KCTD4: variants seen among roughly 807,000 people sequenced by gnomAD.
KCTD4 encodes BTB/POZ domain-containing protein KCTD4.
A neutral mutation model predicts 18.3 loss-of-function variants in KCTD4; 12 were observed. That is an observed-to-expected ratio of 0.66 (90% CI 0.42 to 1.06). The LOEUF is 1.06. KCTD4 is among the 50% of genes least tolerant of loss of function. The pLI is 0.00. For missense variants in KCTD4, 250 were observed against 303.4 expected (o/e 0.82, Z 1.31); for synonymous variants, 124 against 110.5 (o/e 1.12, Z -0.76).
intron 1 of KCTD4, among the ~76,000 whole-genome samples, chr13:45,197,525 A>AG (rs1851195685): frequency 6.6e-6 from 1 of 150,842 alleles, no homozygotes; most frequent in South Asian, 2.1e-4. Flanking sequence ...AAAAAAAAAA[A>AG]AGGCACCCAG....
chr13:45,193,050 G>A lies in KCTD4; in HGVS notation c.*738C>T, dbSNP rs1233471243. Reference sequence around the variant, plus strand: ...GCAAAATCATCAAGTGGTACTGTTTGCTTTTAAAGTGACCTGTAACTTTTT... The same window carrying A: ...GCAAAATCATCAAGTGGTACTGTTTACTTTTAAAGTGACCTGTAACTTTTT... On this transcript the variant is annotated 3_prime_UTR_variant, in exon 2 of 2. Coordinates refer to ENST00000379108, the MANE Select transcript of KCTD4 (RefSeq NM_198404.3). The A allele has an allele frequency of 6.6e-6, 1 of 152,160 alleles. No individual in the cohort carries two copies. Among genetic ancestry groups the A allele is most frequent in the African/African-American group, 2.4e-5 (1 of 41,438 alleles). The allele number at this position is 152,160 out of a possible 1,614,324, so 9.4% of individuals were successfully genotyped here.
chr13:45,193,378 G>A lies in KCTD4; in HGVS notation c.*410C>T, dbSNP rs1872730478. ...AGTTTCTCTGTAGATTTTTGCCATA[G>A]TAGAAAAGGATTTTAAATATTAATA... On this transcript the variant is annotated 3_prime_UTR_variant, in exon 2 of 2. Coordinates refer to ENST00000379108, the MANE Select transcript of KCTD4 (RefSeq NM_198404.3). The A allele has an allele frequency of 6.4e-6, 1 of 156,644 alleles. No homozygotes were observed. Among genetic ancestry groups the A allele is most frequent in the South Asian group, 2.0e-4 (1 of 5,038 alleles). The allele number at this position is 156,644 out of a possible 1,614,324, so 9.7% of individuals were successfully genotyped here.
intron 1 of KCTD4, among the ~76,000 whole-genome samples, chr13:45,195,062 A>T (rs1439918939): frequency 6.6e-6 from 1 of 152,196 alleles, no homozygotes; most frequent in Non-Finnish European, 1.5e-5. Flanking sequence ...AGGAAACATA[A>T]GGTGAAAATT....
chr13:45,195,271 TTTTA>T (rs1297578188), intron 1 of KCTD4, among the ~76,000 whole-genome samples: 1 of 152,092 alleles, frequency 6.6e-6, no homozygotes, highest in Non-Finnish European at 1.5e-5. Flanking sequence ...TTTTTTATTA[TTTTA>T]TTTACCCTAA....
At chr13:45,198,191 A>G (rs1252852671) in intron 1 of KCTD4, among the ~76,000 whole-genome samples, 1 of 152,248 alleles carries the variant, frequency 6.6e-6, no homozygotes, top group African/African-American at 2.4e-5. Context: ...GGTAATACTA[A>G]TGTCCTACCA....
Position 45,194,250 on chromosome 13 carries a change from T to A in KCTD4, c.318A>T (p.Glu106Asp). 1 of 1,614,150 alleles carries A rather than the reference T, an allele frequency of 6.2e-7. No individual in the cohort carries two copies. The highest frequency in any genetic ancestry group is 1.7e-5 in the Admixed American group (1 of 60,006). Reference sequence around the variant, plus strand: ...CTGCTTCTTGTGCAAGAAGTTGATTTTCTCGAAACCCTTCGGGCAATAGAA... The same window carrying A: ...CTGCTTCTTGTGCAAGAAGTTGATTATCTCGAAACCCTTCGGGCAATAGAA... ...GELLLPEGFR[E>D]NQLLAQEAEF... The change falls in exon 2 of 2, where the codon GAA becomes GAT. Residue 106 changes from glutamate (E) to aspartate (D), a missense_variant. Glu to Asp is a conservative substitution (Grantham distance 45). Coordinates refer to ENST00000379108, the MANE Select transcript of KCTD4 (RefSeq NM_198404.3).
chr13:45,198,450 A>G (rs1187990963), intron 1 of KCTD4, among the ~76,000 whole-genome samples: 2 of 152,220 alleles, frequency 1.3e-5, no homozygotes, highest in African/African-American at 2.4e-5. Context: ...TCATTCCTCT[A>G]TAAAATTCAG....
chr13:45,199,408 A>C (rs919814192), intron 1 of KCTD4, among the ~76,000 whole-genome samples: 3 of 152,268 alleles, frequency 2.0e-5, no homozygotes, highest in African/African-American at 7.2e-5. Flanking sequence ...ACAATTTATA[A>C]GTCATATTAA....
rs1872730812 is a variant in KCTD4, at chr13:45,193,389, T to C, written c.*399A>G. On this transcript the variant is annotated 3_prime_UTR_variant, in exon 2 of 2. Transcript: ENST00000379108. ...AGATTTTTGCCATAGTAGAAAAGGATTTTAAATATTAATAGCCCCTTAAAA... is the reference window on the plus strand; with the variant it reads ...AGATTTTTGCCATAGTAGAAAAGGACTTTAAATATTAATAGCCCCTTAAAA... 1 of 158,442 alleles carries C rather than the reference T, an allele frequency of 6.3e-6. No homozygotes were observed. Among genetic ancestry groups the C allele is most frequent in the South Asian group, 2.0e-4 (1 of 5,092 alleles). 9.8% of individuals were successfully genotyped at this position (158,442 alleles called of 1,614,324 possible).
At chr13:45,196,463 A>G (rs1872895458) in intron 1 of KCTD4, among the ~76,000 whole-genome samples, 1 of 152,238 alleles carries the variant, frequency 6.6e-6, no homozygotes, top group South Asian at 2.1e-4. Context: ...GAAATACTGA[A>G]TAGATTTTGA....
At chr13:45,195,748 C>T (rs1011174952) in intron 1 of KCTD4, among the ~76,000 whole-genome samples, 1 of 152,126 alleles carries the variant, frequency 6.6e-6, no homozygotes, top group Non-Finnish European at 1.5e-5. Flanking sequence ...AAACATTGTC[C>T]CCAGTACACT....
intron 1 of KCTD4, among the ~76,000 whole-genome samples, chr13:45,198,920 A>G (rs1165055327): frequency 6.6e-6 from 1 of 152,200 alleles, no homozygotes; most frequent in African/African-American, 2.4e-5. Flanking sequence ...ACATGTTTTA[A>G]GAATCAAGGA....
chr13:45,197,854 C>T (rs1872977828), intron 1 of KCTD4, among the ~76,000 whole-genome samples: 2 of 152,224 alleles, frequency 1.3e-5, no homozygotes, highest in Admixed American at 6.5e-5. Flanking sequence ...CTTGCAGATA[C>T]AAACCGGAAC....
chr13:45,199,541 G>A (rs1873073124), intron 1 of KCTD4, among the ~76,000 whole-genome samples: 1 of 152,002 alleles, frequency 6.6e-6, no homozygotes, highest in Non-Finnish European at 1.5e-5. Context: ...AATATAACCT[G>A]TGCGTTATTA....
Position 45,200,806 on chromosome 13 carries a change from T to C in KCTD4, c.-188+18A>G, listed in dbSNP as rs1873145545. Among the ~76,000 whole-genome samples the C allele has an allele frequency of 6.6e-6, 1 of 152,150 alleles. No individual in the cohort carries two copies. The highest frequency in any genetic ancestry group is 1.5e-5 in the Non-Finnish European group (1 of 68,042). The stretch of plus-strand genomic sequence containing the variant: ...AGACTACTAGGAATATTAAAAATGG[T>C]TTGCCTTTTAAATGTACCTGCTTCT... On this transcript the variant is annotated intron_variant, in intron 1 of 1. Transcript: ENST00000379108.
chr13:45,196,234 CTG>C (rs1217603848), intron 1 of KCTD4, among the ~76,000 whole-genome samples: 3 of 152,188 alleles, frequency 2.0e-5, no homozygotes, highest in Admixed American at 1.3e-4. Flanking sequence ...TGCTTAGAGA[CTG>C]TGAAATTCAA....
rs1318746982 is a variant in KCTD4 at position 45,193,860 on chromosome 13, A to G, written c.708T>C (p.Phe236=). The G allele has an allele frequency of 1.2e-6, 2 of 1,614,104 alleles. No homozygotes were observed. Among genetic ancestry groups the G allele is most frequent in the East Asian group, 2.2e-5 (1 of 44,878 alleles). The part of the protein sequence containing the change: ...EAIMMALKCG[F]RLLTSLDCSK... The stretch of plus-strand genomic sequence containing the variant: ...AACAATCCAGGCTGGTCAGCAGTCT[A>G]AAGCCACACTTTAAAGCCATCATGA... The change falls in exon 2 of 2, where the codon TTT becomes TTC. Residue 236 remains phenylalanine (F), a synonymous_variant. Transcript: ENST00000379108.
chr13:45,194,480 A>T lies in KCTD4; in HGVS notation c.88T>A (p.Cys30Ser), dbSNP rs1158928559. 1 of 1,614,010 alleles carries T rather than the reference A, an allele frequency of 6.2e-7. No homozygotes were observed. The highest frequency in any genetic ancestry group is 8.5e-7 in the Non-Finnish European group (1 of 1,179,988). Residue 30 changes from cysteine (C) to serine (S), a missense_variant, in exon 2 of 2, where the codon TGC becomes AGC. Transcript: ENST00000379108. ...TTGAGGGTCATCAGTGTGGATTTGCAGTTCTTTCCTTGATCAGTATCTTCC... is the reference window on the plus strand; with the variant it reads ...TTGAGGGTCATCAGTGTGGATTTGCTGTTCTTTCCTTGATCAGTATCTTCC... Reference protein sequence around the residue: ...SLEDTDQGKNCKSTLMTLNVG... With the variant: ...SLEDTDQGKNSKSTLMTLNVG...
intron 1 of KCTD4, 23 bp from the exon 2 acceptor site, chr13:45,194,777 A>G (rs1325754809): frequency 1.9e-5 from 11 of 567,802 alleles, no homozygotes; most frequent in Non-Finnish European, 3.5e-5. Flanking sequence ...GGAAAAGAGA[A>G]TTTGCATTTA....
Sources: gnomAD v4.1 joint callset for allele counts (sites outside exome capture counted in the v4.1 genomes callset) on GRCh38, gnomAD v4.1.1 for gene constraint, MANE v1.5 for transcripts, NCBI Gene and HGNC (gene_info 2026-07-23, HGNC 2026-07-21) for gene names.